The following PCDHA3 variants were observed in gnomAD, a reference collection of about 807,000 sequenced individuals.
PCDHA3 encodes protocadherin alpha 3, also known as protocadherin alpha-3.
A neutral mutation model predicts 62.2 loss-of-function variants in PCDHA3; 41 were observed. The ratio of observed to expected loss-of-function variants is 0.66; its 90% CI spans 0.51 to 0.86. The LOEUF is 0.86. Among genes scored for constraint, PCDHA3 ranks in the 40% least tolerant of loss-of-function variants. The pLI, the probability that PCDHA3 is intolerant of heterozygous loss-of-function variation, is 0.00. For missense variants in PCDHA3, 1,304 were observed against 1,241.2 expected, an observed-to-expected ratio of 1.05 and a Z score of -0.76; for synonymous variants, 640 against 555.4, an observed-to-expected ratio of 1.15 and a Z score of -2.14.
chr5:140,943,270 AAAAAAAAG>A (rs1301290983), intron 1 of PCDHA3, among the ~76,000 whole-genome samples: 4 of 150,618 alleles, frequency 2.7e-5, no homozygotes, highest in African/African-American at 4.9e-5. Context: ...AAAAAAAAAA[AAAAAAAAG>A]AAAGAAAGAA....
chr5:140,871,269 G>T, intron 1 of PCDHA3: 3 of 1,613,952 alleles, frequency 1.9e-6, no homozygotes, highest in Non-Finnish European at 2.5e-6. Context: ...CGCTGTGGTG[G>T]TCGGCAACGC....
intron 3 of PCDHA3, 149 bp downstream of exon 3, chr5:140,982,712 T>C: frequency 7.3e-7 from 1 of 1,373,964 alleles, no homozygotes; most frequent in Non-Finnish European, 9.6e-7. Context: ...TCCTTACATA[T>C]ATGATTATTT....
intron 1 of PCDHA3, among the ~76,000 whole-genome samples, chr5:140,904,446 T>C (rs34807894): frequency 0.32 from 47,642 of 151,146 alleles, 7,868 homozygotes; most frequent in East Asian, 0.52. Context: ...TATTACAATT[T>C]CTTTATACAC....
intron 3 of PCDHA3, among the ~76,000 whole-genome samples, chr5:140,991,900 A>G (rs137964856): frequency 9.8e-4 from 149 of 152,250 alleles, no homozygotes; most frequent in African/African-American, 3.0e-3. Context: ...TTAACACAAA[A>G]TCCCTTTTGC....
At chr5:140,949,042 G>A (rs2094338452) in intron 1 of PCDHA3, among the ~76,000 whole-genome samples, 2 of 151,644 alleles carry the variant, frequency 1.3e-5, no homozygotes, top group African/African-American at 2.4e-5. Flanking sequence ...TTAAAAGTAT[G>A]TTCTAATTTC....
chr5:140,828,913 T>A, intron 1 of PCDHA3: 1 of 1,614,238 alleles, frequency 6.2e-7, no homozygotes, highest in East Asian at 2.2e-5. Context: ...AAGGAGCGAA[T>A]GGGGCAATTT....
intron 1 of PCDHA3, chr5:140,850,245 T>C (rs2150475422): frequency 5.6e-6 from 9 of 1,593,300 alleles, no homozygotes; most frequent in Non-Finnish European, 6.9e-6. Context: ...GGTGCTGCGG[T>C]CGGTGGGCGC....
intron 1 of PCDHA3, among the ~76,000 whole-genome samples, chr5:140,840,752 A>G (rs1776854454): frequency 6.6e-6 from 1 of 152,098 alleles, no homozygotes; most frequent in Non-Finnish European, 1.5e-5. Context: ...ATAAGAACAC[A>G]AGAAGATAAA....
chr5:140,854,223 C>T, intron 1 of PCDHA3: 3 of 631,588 alleles, frequency 4.7e-6, no homozygotes, highest in Non-Finnish European at 5.9e-6. Context: ...TGGACATCTA[C>T]ATTGGGATAT....
At chr5:140,851,681 T>C (rs1405649457) in intron 1 of PCDHA3, 22 of 923,332 alleles carry the variant, frequency 2.4e-5, no homozygotes, top group Non-Finnish European at 2.8e-5. Flanking sequence ...ATTTTCTCCA[T>C]TCAGTGATAA....
chr5:140,830,499 C>A (rs2150187273), intron 1 of PCDHA3: 4 of 1,454,248 alleles, frequency 2.8e-6, no homozygotes, highest in Non-Finnish European at 3.7e-6. Flanking sequence ...AGTGAATTTT[C>A]ATAATTAACA....
chr5:140,967,985 A>G, intron 1 of PCDHA3: 3 of 1,614,218 alleles, frequency 1.9e-6, no homozygotes, highest in East Asian at 4.5e-5. Flanking sequence ...TCTGGAGGCC[A>G]CACTGCCTTT....
chr5:140,865,624 T>C (rs1554159533), intron 1 of PCDHA3: 1 of 152,176 alleles, frequency 6.6e-6, no homozygotes, highest in East Asian at 1.9e-4. Context: ...TTGTTAGACA[T>C]CATGAAGGGA....
chr5:140,936,448 T>A (rs1477787930), intron 1 of PCDHA3, among the ~76,000 whole-genome samples: 1 of 152,210 alleles, frequency 6.6e-6, no homozygotes, highest in Non-Finnish European at 1.5e-5. Context: ...AATAACCACA[T>A]CTGTTTAGTG....
chr5:140,969,061 T>C (rs782313439), intron 1 of PCDHA3: 25 of 1,614,070 alleles, frequency 1.5e-5, no homozygotes, highest in Non-Finnish European at 4.2e-6. Flanking sequence ...ACAATATTGA[T>C]GCCAGGATAC....
intron 1 of PCDHA3, chr5:140,852,221 T>C: frequency 1.6e-6 from 1 of 623,256 alleles, no homozygotes; most frequent in Non-Finnish European, 2.1e-6. Context: ...AATATTTTAA[T>C]TTTTAAATTT....
Position 140,850,129 on chromosome 5 carries a change from TG to T in PCDHA3, c.2394+46541del, listed in dbSNP as rs2150469009. On this transcript the variant is annotated intron_variant, in intron 1 of 3. Coordinates refer to ENST00000522353, the MANE Select transcript of PCDHA3 (RefSeq NM_018906.3). Reference sequence around the variant, plus strand: ...GCGCGCGACGCGGGCGTGCCGCCTCTGGGCAGCAACGTGACGCTGCAGGTGT... The same window carrying T: ...GCGCGCGACGCGGGCGTGCCGCCTCTGGCAGCAACGTGACGCTGCAGGTGT... 23 of 1,595,784 alleles carry T rather than the reference TG, an allele frequency of 1.4e-5. 1 individual carries two copies. The South Asian group carries it at 2.4e-4, about 17-fold the overall frequency.
intron 1 of PCDHA3, among the ~76,000 whole-genome samples, chr5:140,831,385 G>C (rs1771511282): frequency 6.7e-6 from 1 of 149,982 alleles, no homozygotes. Flanking sequence ...TGTGTGACAG[G>C]GTCTTGCTCT....
At chr5:140,896,450 C>T (rs1009231622) in intron 1 of PCDHA3, among the ~76,000 whole-genome samples, 1 of 152,092 alleles carries the variant, frequency 6.6e-6, no homozygotes, top group East Asian at 1.9e-4. Flanking sequence ...GCAACCTCCA[C>T]CTCCTGGGTT....
Sources: allele counts gnomAD v4.1 joint callset (sites outside exome capture counted in the v4.1 genomes callset), GRCh38; gene constraint gnomAD v4.1.1; transcripts MANE v1.5; gene names NCBI Gene and HGNC (gene_info 2026-07-23, HGNC 2026-07-21).